CHMP7: variants seen among roughly 807,000 people sequenced by gnomAD.
CHMP7 encodes CHMP family, member 7.
A neutral mutation model predicts 53.7 loss-of-function variants in CHMP7; 15 were observed. The observed-to-expected ratio is 0.28, with a 90% confidence interval of 0.19 to 0.43. The LOEUF (loss-of-function observed/expected upper bound fraction) is 0.43, where lower values mean the gene tolerates loss of function less well. Ranked by LOEUF, CHMP7 falls within the 20% of genes least tolerant of loss-of-function variation. The pLI is 1.00. For synonymous variants in CHMP7, 261 were observed against 228.0 expected, an observed-to-expected ratio of 1.14 and a Z score of -1.30; for missense variants, 527 against 569.4, an observed-to-expected ratio of 0.93 and a Z score of 0.76.
At position 23,260,343 on chromosome 8, in the gene CHMP7, G is replaced by A. The variant is rs374545243; in HGVS notation, c.1300+20G>A. ...AGGGAGGTATGGAGCTGTTTTCCAA[G>A]GCCTTTGGAGGGCATATGGCCTTCT... On this transcript the variant is annotated intron_variant, in intron 10 of 10. Transcript: ENST00000397677. 25 of 1,613,346 alleles carry A rather than the reference G, an allele frequency of 1.5e-5. No homozygotes were observed. In the African/African-American group the frequency reaches 3.2e-4, roughly 21 times the overall value.
chr8:23,258,898 C>A, intron 8 of CHMP7, 68 bp downstream of exon 8: 1 of 1,197,486 alleles, frequency 8.4e-7, no homozygotes, highest in Non-Finnish European at 1.2e-6. Flanking sequence ...GACTTCATTG[C>A]ACATCCTCTT....
At chr8:23,257,721 G>A (rs962106548) in intron 5 of CHMP7, among the ~76,000 whole-genome samples, 1 of 152,232 alleles carries the variant, frequency 6.6e-6, no homozygotes, top group African/African-American at 2.4e-5. Context: ...CGAGGTCATT[G>A]TTGGTGTTAA....
chr8:23,259,062 A>G lies in CHMP7; in HGVS notation c.1060-4A>G. The G allele has an allele frequency of 1.2e-6, 2 of 1,603,366 alleles. No homozygotes were observed. Among genetic ancestry groups the G allele is most frequent in the African/African-American group, 1.3e-5 (1 of 74,812 alleles). On this transcript the variant is annotated splice_region_variant and splice_polypyrimidine_tract_variant and intron_variant, in intron 8 of 10. Transcript: ENST00000397677. ...GCTCAAGGCTTTGCACTTGTCTCTT[A>G]CAGCTCTGTGACACCCAGGATGAAG...
intron 1 of CHMP7, 72 bp downstream of exon 1, chr8:23,243,916 T>C (rs1270427774): frequency 6.6e-6 from 1 of 152,236 alleles, no homozygotes; most frequent in African/African-American, 2.4e-5. Context: ...CATATTATCA[T>C]ATACTTATTT....
At chr8:23,250,168 C>T (rs924886037) in intron 3 of CHMP7, among the ~76,000 whole-genome samples, 2 of 152,114 alleles carry the variant, frequency 1.3e-5, no homozygotes, top group African/African-American at 2.4e-5. Context: ...CTCACACGCT[C>T]ATTCCATCCT....
Position 23,260,255 on chromosome 8 carries a change from T to C in CHMP7, c.1232T>C (p.Val411Ala). The change falls in exon 10 of 11, where the codon GTG (valine) becomes GCG (alanine). Residue 411 changes from valine to alanine, a missense_variant. By Grantham distance (64) the Val-to-Ala change is moderately conservative. Coordinates refer to ENST00000397677, the MANE Select transcript of CHMP7 (RefSeq NM_152272.5). ...CGCAATAGGCATTTTACCAACAGCG[T>C]GCCTAACCCTAGGATCTCAGATGCT... ...NPRNRHFTNS[V>A]PNPRISDAEL... 1.2e-6 allele frequency: 2 copies of C among 1,614,196 alleles called. No homozygotes were observed. Among genetic ancestry groups the C allele is most frequent in the Non-Finnish European group, 1.7e-6 (2 of 1,180,040 alleles).
At chr8:23,250,709 AT>A (rs1440105754) in intron 3 of CHMP7, among the ~76,000 whole-genome samples, 3 of 150,636 alleles carry the variant, frequency 2.0e-5, no homozygotes, top group African/African-American at 7.4e-5. Flanking sequence ...GAGAATAGTT[AT>A]TTTTGAAATT....
chr8:23,253,444 A>G (rs1802003807), intron 3 of CHMP7, among the ~76,000 whole-genome samples: 1 of 152,132 alleles, frequency 6.6e-6, no homozygotes, highest in South Asian at 2.1e-4. Flanking sequence ...CACCATGGCC[A>G]GCTAATTTTT....
chr8:23,253,010 C>G (rs1337918766), intron 3 of CHMP7, among the ~76,000 whole-genome samples: 2 of 152,114 alleles, frequency 1.3e-5, no homozygotes, highest in African/African-American at 4.8e-5. Context: ...CTTGAAATGT[C>G]CAATTTCCTT....
Position 23,246,884 on chromosome 8 carries a change from C to G in CHMP7, c.189C>G (p.His63Gln). Reference sequence around the variant, plus strand: ...TCTGGGCGCCGTTGGTGCTGAGCCACAGCCGCCGCCAGGGGGTGGTGCGCC... The same window carrying G: ...TCTGGGCGCCGTTGGTGCTGAGCCAGAGCCGCCGCCAGGGGGTGGTGCGCC... Reference protein sequence around the residue: ...MGFWAPLVLSHSRRQGVVRLR... With the variant: ...MGFWAPLVLSQSRRQGVVRLR... The change falls in exon 2 of 11, where the codon CAC becomes CAG. Residue 63 changes from histidine to glutamine, a missense_variant. His to Gln is a conservative substitution (Grantham distance 24). Transcript: ENST00000397677. The G allele has an allele frequency of 1.3e-6, 2 of 1,586,620 alleles. No individual in the cohort carries two copies. Among genetic ancestry groups the G allele is most frequent in the Non-Finnish European group, 1.7e-6 (2 of 1,167,390 alleles).
chr8:23,254,879 G>C, intron 3 of CHMP7: 1 of 348,278 alleles, frequency 2.9e-6, no homozygotes, highest in Non-Finnish European at 5.6e-6. Flanking sequence ...AGGTCACCCA[G>C]GCTAGGCTGG....
intron 1 of CHMP7, among the ~76,000 whole-genome samples, chr8:23,244,417 T>C (rs962356475): frequency 6.6e-6 from 1 of 152,232 alleles, no homozygotes; most frequent in Non-Finnish European, 1.5e-5. Context: ...TGAACCATTG[T>C]ATTGCCTTTC....
At chr8:23,249,447 G>A in intron 3 of CHMP7, 66 bp downstream of exon 3, 1 of 1,316,034 alleles carries the variant, frequency 7.6e-7, no homozygotes, top group South Asian at 1.6e-5. Flanking sequence ...CACGTCCCTT[G>A]TGTGCGTTCT....
chr8:23,247,115 G>T lies in CHMP7; in HGVS notation c.299+121G>T, dbSNP rs562950688. The T allele has an allele frequency of 1.1e-5, 11 of 964,272 alleles. No homozygotes were observed. In the Admixed American group the frequency reaches 2.3e-4, roughly 20 times the overall value. The allele number at this position is 964,272 out of a possible 1,614,324, so 59.7% of individuals were successfully genotyped here. Reference sequence around the variant, plus strand: ...CCAGCCCAGTGTCTGGCCCAGAGAAGGCATCCAGTGTGTGTTCAGAAGGCG... The same window carrying T: ...CCAGCCCAGTGTCTGGCCCAGAGAATGCATCCAGTGTGTGTTCAGAAGGCG... On this transcript the variant is annotated intron_variant, in intron 2 of 10. Coordinates refer to ENST00000397677, the MANE Select transcript of CHMP7 (RefSeq NM_152272.5).
At chr8:23,249,037 G>C (rs1486074630) in intron 2 of CHMP7, among the ~76,000 whole-genome samples, 173 bp from the exon 3 acceptor site, 1 of 152,154 alleles carries the variant, frequency 6.6e-6, no homozygotes, top group African/African-American at 2.4e-5. Flanking sequence ...GTGTTGTGAC[G>C]CTTAGAGCTG....
intron 3 of CHMP7, among the ~76,000 whole-genome samples, chr8:23,250,348 A>G (rs997979713): frequency 5.9e-5 from 9 of 151,322 alleles, no homozygotes; most frequent in African/African-American, 2.2e-4. Context: ...CTCTGCGTCT[A>G]CCCTGCCCCT....
intron 3 of CHMP7, 27 bp from the exon 4 acceptor site, chr8:23,255,220 T>A (rs1336208146): frequency 1.2e-6 from 2 of 1,612,318 alleles, no homozygotes; most frequent in East Asian, 4.5e-5. Context: ...GGCCAGGGCC[T>A]GTCAGCCAAT....
intron 7 of CHMP7, 29 bp downstream of exon 7, chr8:23,258,478 G>A (rs1446718025): frequency 3.7e-6 from 6 of 1,613,208 alleles, no homozygotes; most frequent in Admixed American, 1.7e-5. Context: ...TCCAGCACTT[G>A]GCTGGTCTCT....
intron 3 of CHMP7, among the ~76,000 whole-genome samples, chr8:23,254,103 T>C (rs1269836931): frequency 6.6e-6 from 1 of 152,080 alleles, no homozygotes; most frequent in African/African-American, 2.4e-5. Context: ...CACCCTTCTA[T>C]GCTCATGTTC....
Sources: allele counts gnomAD v4.1 joint callset (sites outside exome capture counted in the v4.1 genomes callset), GRCh38; gene constraint gnomAD v4.1.1; transcripts MANE v1.5; gene names NCBI Gene and HGNC (gene_info 2026-07-23, HGNC 2026-07-21).